The following MARCHF1 variants were observed in gnomAD, a reference collection of about 807,000 sequenced individuals.
The protein encoded by MARCHF1 is membrane associated ring-CH-type finger 1.
A neutral mutation model predicts 54.2 loss-of-function variants in MARCHF1; 40 were observed. The ratio of observed to expected loss-of-function variants is 0.74; its 90% CI spans 0.57 to 0.96. MARCHF1 has a LOEUF of 0.96. Ranked by LOEUF, MARCHF1 falls within the 40% of genes least tolerant of loss-of-function variation. The pLI, the probability that MARCHF1 is intolerant of heterozygous loss-of-function variation, is 0.00. For synonymous variants in MARCHF1, 236 were observed against 236.3 expected (o/e 1.00, Z 0.01); for missense variants, 586 against 656.5 (o/e 0.89, Z 1.17).
intron 1 of MARCHF1, among the ~76,000 whole-genome samples, chr4:164,303,576 TAC>T (rs1734619878): frequency 6.6e-6 from 1 of 152,180 alleles, no homozygotes. Context: ...GTAAATAAAT[TAC>T]AGAGTTAATA....
intron 1 of MARCHF1, among the ~76,000 whole-genome samples, chr4:164,291,725 C>T (rs1734287667): frequency 6.6e-6 from 1 of 151,922 alleles, no homozygotes; most frequent in Non-Finnish European, 1.5e-5. Flanking sequence ...AATTGTAACA[C>T]AGTAGTAGGA....
chr4:164,350,481 A>G (rs1461016453), intron 1 of MARCHF1, among the ~76,000 whole-genome samples: 1 of 152,202 alleles, frequency 6.6e-6, no homozygotes, highest in East Asian at 1.9e-4. Flanking sequence ...GTATATTTCC[A>G]AAAAGCTAAA....
intron 3 of MARCHF1, among the ~76,000 whole-genome samples, chr4:163,924,378 T>A (rs11100529): frequency 1.3e-5 from 2 of 151,866 alleles, no homozygotes; most frequent in Non-Finnish European, 1.5e-5. Flanking sequence ...AGAGGCAGAC[T>A]TGCATGTAAA....
intron 4 of MARCHF1, among the ~76,000 whole-genome samples, chr4:163,745,754 C>T (rs758674791): frequency 1.3e-4 from 20 of 152,052 alleles, no homozygotes; most frequent in African/African-American, 1.2e-4. Flanking sequence ...TGCTTTCCTC[C>T]GAGGAGTTTA....
chr4:163,986,226 CCTTTT>C (rs1244978417), intron 3 of MARCHF1, among the ~76,000 whole-genome samples: 1 of 118,186 alleles, frequency 8.5e-6, no homozygotes, highest in Non-Finnish European at 1.9e-5. Context: ...AGTTTCCTTT[CCTTTT>C]CTCCTAATTA....
chr4:164,347,881 G>A (rs1730154414), intron 1 of MARCHF1, among the ~76,000 whole-genome samples: 1 of 152,130 alleles, frequency 6.6e-6, no homozygotes, highest in African/African-American at 2.4e-5. Flanking sequence ...TATGTTCATG[G>A]TGTTTAATGC....
At chr4:164,378,533 T>C (rs1239443442) in intron 1 of MARCHF1, among the ~76,000 whole-genome samples, 1 of 152,228 alleles carries the variant, frequency 6.6e-6, no homozygotes, top group Non-Finnish European at 1.5e-5. Flanking sequence ...GTTCAAGACA[T>C]CTGGGCTGGG....
chr4:164,310,591 T>C (rs1734824085), intron 1 of MARCHF1, among the ~76,000 whole-genome samples: 1 of 151,514 alleles, frequency 6.6e-6, no homozygotes, highest in African/African-American at 2.4e-5. Flanking sequence ...AATGTGTTTT[T>C]ATGTTCAACA....
At chr4:163,911,990 T>C (rs1179264936) in intron 3 of MARCHF1, among the ~76,000 whole-genome samples, 1 of 152,136 alleles carries the variant, frequency 6.6e-6, no homozygotes, top group Admixed American at 6.5e-5. Context: ...AAGAGAGATA[T>C]TTCTTCTCTC....
At chr4:163,611,420 T>C (rs890288771) in intron 7 of MARCHF1, among the ~76,000 whole-genome samples, 4 of 152,106 alleles carry the variant, frequency 2.6e-5, no homozygotes, top group Non-Finnish European at 5.9e-5. Flanking sequence ...CTTCTGCTTT[T>C]ATAAAAGCAA....
At chr4:163,894,599 TGTGATGC>T (rs1750738807) in intron 3 of MARCHF1, among the ~76,000 whole-genome samples, 1 of 144,918 alleles carries the variant, frequency 6.9e-6, no homozygotes, top group African/African-American at 2.5e-5. Context: ...TATATATGCA[TGTGATGC>T]ATATATATAT....
intron 1 of MARCHF1, among the ~76,000 whole-genome samples, chr4:164,161,192 C>G (rs1204336326): frequency 6.6e-6 from 1 of 152,036 alleles, no homozygotes; most frequent in South Asian, 2.1e-4. Context: ...GTTCTGTCCT[C>G]GTGATAGGGA....
chr4:164,111,116 G>A (rs936540305), intron 2 of MARCHF1, among the ~76,000 whole-genome samples: 1 of 151,764 alleles, frequency 6.6e-6, no homozygotes, highest in African/African-American at 2.4e-5. Flanking sequence ...TCATCATGAT[G>A]AATATGATAA....
At chr4:163,765,858 A>G (rs1054244255) in intron 4 of MARCHF1, among the ~76,000 whole-genome samples, 1 of 148,002 alleles carries the variant, frequency 6.8e-6, no homozygotes, top group African/African-American at 2.5e-5. Flanking sequence ...ATATAGATAT[A>G]TATACACACA....
chr4:164,235,673 G>A (rs1257751339), intron 1 of MARCHF1, among the ~76,000 whole-genome samples: 3 of 151,854 alleles, frequency 2.0e-5, no homozygotes, highest in Admixed American at 2.0e-4. Context: ...TTATAAGTGG[G>A]AGCTAAGCTA....
intron 3 of MARCHF1, among the ~76,000 whole-genome samples, chr4:163,944,685 A>C (rs1751989860): frequency 6.6e-6 from 1 of 152,184 alleles, no homozygotes; most frequent in Non-Finnish European, 1.5e-5. Flanking sequence ...TGTAACTTGC[A>C]ATTCTTGGAA....
intron 1 of MARCHF1, among the ~76,000 whole-genome samples, chr4:164,336,941 C>T (rs989906992): frequency 6.7e-6 from 1 of 149,564 alleles, no homozygotes; most frequent in Non-Finnish European, 1.5e-5. Context: ...TAACTTCCAA[C>T]AGGAATTAGC....
intron 3 of MARCHF1, among the ~76,000 whole-genome samples, chr4:163,954,917 C>T (rs1752201648): frequency 6.6e-6 from 1 of 152,076 alleles, no homozygotes; most frequent in Non-Finnish European, 1.5e-5. Flanking sequence ...TTTCAACAAA[C>T]TATAGACTGT....
intron 3 of MARCHF1, among the ~76,000 whole-genome samples, chr4:163,940,313 G>A (rs1297769097): frequency 6.6e-6 from 1 of 152,112 alleles, no homozygotes; most frequent in Non-Finnish European, 1.5e-5. Flanking sequence ...CAAATTATTT[G>A]TGTCTTCCGT....
Sources: allele counts gnomAD v4.1 joint callset (sites outside exome capture counted in the v4.1 genomes callset), GRCh38; gene constraint gnomAD v4.1.1; transcripts MANE v1.5; gene names NCBI Gene and HGNC (gene_info 2026-07-23, HGNC 2026-07-21).